Variants in TANC2 observed in about 807,000 individuals in gnomAD.
The protein encoded by TANC2 is tetratricopeptide repeat, ankyrin repeat and coiled-coil containing 2.
Under a neutral mutation model 210.5 loss-of-function variants are expected in TANC2, and 26 were observed. The observed-to-expected ratio is 0.12, with a 90% confidence interval of 0.09 to 0.17. The LOEUF (loss-of-function observed/expected upper bound fraction) is 0.17, where lower values mean the gene tolerates loss of function less well. Ranked by LOEUF, TANC2 falls within the 10% of genes least tolerant of loss-of-function variation. The pLI is 1.00. For synonymous variants in TANC2, 931 were observed against 967.1 expected, an observed-to-expected ratio of 0.96 and a Z score of 0.69; for missense variants, 2,129 against 2,608.9, an observed-to-expected ratio of 0.82 and a Z score of 4.01.
intron 8 of TANC2, among the ~76,000 whole-genome samples, chr17:63,263,644 A>C (rs934759329): frequency 6.6e-6 from 1 of 152,214 alleles, no homozygotes; most frequent in Non-Finnish European, 1.5e-5. Context: ...ATGTTATAGA[A>C]CAGGAAAGAA....
intron 5 of TANC2, among the ~76,000 whole-genome samples, chr17:63,188,910 A>G (rs1046718495): frequency 1.3e-5 from 2 of 151,858 alleles, no homozygotes; most frequent in Non-Finnish European, 2.9e-5. Context: ...CCCCAAAAAA[A>G]AATGTCCCGT....
At chr17:63,296,398 C>G (rs1233950655) in intron 9 of TANC2, among the ~76,000 whole-genome samples, 1 of 151,916 alleles carries the variant, frequency 6.6e-6, no homozygotes, top group East Asian at 1.9e-4. Context: ...AAAGGGACAA[C>G]AGTAGGGCCA....
At chr17:63,014,269 T>G (rs1310408627) in intron 2 of TANC2, among the ~76,000 whole-genome samples, 4 of 152,226 alleles carry the variant, frequency 2.6e-5, no homozygotes, top group African/African-American at 9.6e-5. Flanking sequence ...CATATTTACA[T>G]TAAGTTCTAC....
chr17:62,980,459 A>G (rs1028275969), intron 1 of TANC2, among the ~76,000 whole-genome samples: 7 of 152,220 alleles, frequency 4.6e-5, no homozygotes, highest in African/African-American at 1.4e-4. Context: ...TCAGGTTTTC[A>G]GATTTGGGAT....
chr17:63,200,679 T>C (rs2041503070), intron 6 of TANC2, 92 bp from the exon 7 acceptor site: 1 of 1,044,304 alleles, frequency 9.6e-7, no homozygotes, highest in Admixed American at 2.6e-5. Flanking sequence ...ATGCATGTAG[T>C]TTTTTTTTTC....
At chr17:63,128,730 G>A (rs573075978) in intron 4 of TANC2, among the ~76,000 whole-genome samples, 72 of 152,110 alleles carry the variant, frequency 4.7e-4, no homozygotes, top group African/African-American at 1.5e-3. Context: ...CATATTTTTC[G>A]GTAGCCCTGA....
At chr17:63,033,135 C>T (rs1317491607) in intron 2 of TANC2, among the ~76,000 whole-genome samples, 1 of 152,182 alleles carries the variant, frequency 6.6e-6, no homozygotes, top group Non-Finnish European at 1.5e-5. Flanking sequence ...GCCCCACTCT[C>T]CTGACATGAG....
chr17:63,205,372 A>AAAAAAAAAAAAAAAAAAAAAAAAC (rs1472135033), intron 7 of TANC2, among the ~76,000 whole-genome samples: 1 of 131,810 alleles, frequency 7.6e-6, no homozygotes, highest in African/African-American at 3.1e-5. Context: ...AAAAAAAAAA[A>AAAAAAAAAAAAAAAAAAAAAAAAC]CCTCATACAC....
intron 4 of TANC2, among the ~76,000 whole-genome samples, chr17:63,142,123 C>T: frequency 6.6e-6 from 1 of 152,290 alleles, no homozygotes; most frequent in East Asian, 1.9e-4. Context: ...AAGTCACTTG[C>T]TCCTGTCCCA....
At chr17:63,068,577 A>G (rs2036285821) in intron 2 of TANC2, among the ~76,000 whole-genome samples, 1 of 152,176 alleles carries the variant, frequency 6.6e-6, no homozygotes, top group Non-Finnish European at 1.5e-5. Flanking sequence ...AAGAGAATAG[A>G]TACAATTGAT....
intron 14 of TANC2, among the ~76,000 whole-genome samples, chr17:63,372,203 T>A (rs2047289429): frequency 6.6e-6 from 1 of 152,222 alleles, no homozygotes. Context: ...GTTAGCGTAA[T>A]TTTTACCTTG....
chr17:62,969,707 G>A (rs1192051531), intron 1 of TANC2, among the ~76,000 whole-genome samples: 1 of 151,434 alleles, frequency 6.6e-6, no homozygotes, highest in Non-Finnish European at 1.5e-5. Flanking sequence ...GTGTGTGTGT[G>A]TGTGTATATA....
intron 11 of TANC2, among the ~76,000 whole-genome samples, chr17:63,322,453 G>T (rs141599359): frequency 1.5e-3 from 225 of 152,150 alleles, no homozygotes; most frequent in Middle Eastern, 0.01. Context: ...AGCTGAGATC[G>T]CACCACTGCA....
At chr17:63,327,965 C>G (rs991493708) in intron 11 of TANC2, among the ~76,000 whole-genome samples, 2 of 152,134 alleles carry the variant, frequency 1.3e-5, no homozygotes, top group African/African-American at 2.4e-5. Context: ...TGATGTTCCC[C>G]TTCCTGTGTC....
intron 6 of TANC2, among the ~76,000 whole-genome samples, chr17:63,198,209 T>C (rs1382061117): frequency 1.3e-5 from 2 of 152,060 alleles, no homozygotes; most frequent in African/African-American, 4.8e-5. Flanking sequence ...TTTTTCTTTT[T>C]TTTTGAGACA....
rs370485061 is a variant in TANC2, at chr17:63,320,013, T to C, written c.1575+923T>C. 6.6e-5 allele frequency among the ~76,000 whole-genome samples: 10 copies of C among 152,322 alleles called. No homozygotes were observed. The East Asian group carries it at 1.5e-3, about 23-fold the overall frequency. On this transcript the variant is annotated intron_variant, in intron 11 of 27. Coordinates refer to ENST00000689528, the Ensembl canonical transcript of TANC2. Reference sequence around the variant, plus strand: ...TTATTATGGATGATGGGAATTATAGTTGTTTCACCTTCCTTCTTCCTACCA... The same window carrying C: ...TTATTATGGATGATGGGAATTATAGCTGTTTCACCTTCCTTCTTCCTACCA...
Position 63,014,478 on chromosome 17 carries a change from G to A in TANC2, c.67+4852G>A, listed in dbSNP as rs191115464. On this transcript the variant is annotated intron_variant, in intron 2 of 27. Coordinates refer to ENST00000689528, the Ensembl canonical transcript of TANC2. ...GCCTGGACATTTTAGATTATATAAT[G>A]TGTTATCTCTGGAAATCAGATTCTT... 1.4e-3 allele frequency among the ~76,000 whole-genome samples: 206 copies of A among 152,116 alleles called. 1 individual carries two copies. Among genetic ancestry groups the A allele is most frequent in the African/African-American group, 4.7e-3 (196 of 41,520 alleles).
chr17:62,989,650 TTC>T, intron 1 of TANC2, among the ~76,000 whole-genome samples: 1 of 152,272 alleles, frequency 6.6e-6, no homozygotes, highest in African/African-American at 2.4e-5. Flanking sequence ...GACAAAAGAA[TTC>T]TGTAATATAA....
Position 63,200,355 on chromosome 17 carries a change from CAAAAAAAAAA to C in TANC2, c.583-404_583-395del, listed in dbSNP as rs10598629. ...GGGCAACAAGAATGAAACTCTGTCT[CAAAAAAAAAA>C]AAAAAAAAAAAGAAAGAAAGAAAGA... is the stretch of plus-strand genomic sequence containing the variant. On this transcript the variant is annotated intron_variant, in intron 6 of 27. Transcript: ENST00000689528. Among the ~76,000 whole-genome samples, 6 of 93,814 alleles carry C rather than the reference CAAAAAAAAAA, an allele frequency of 6.4e-5. No individual in the cohort carries two copies. In the East Asian group the frequency reaches 9.6e-4, roughly 15 times the overall value. 61.5% of individuals were successfully genotyped at this position (93,814 alleles called of 152,430 possible). A position where few individuals can be genotyped will look rare whatever the true frequency, so the allele number is the denominator to read the frequency against.
Sources: gnomAD v4.1 joint callset for allele counts (sites outside exome capture counted in the v4.1 genomes callset) on GRCh38, gnomAD v4.1.1 for gene constraint, MANE v1.5 for transcripts, NCBI Gene and HGNC (gene_info 2026-07-23, HGNC 2026-07-21) for gene names.